The following PDE4D variants were observed in gnomAD, a reference collection of about 807,000 sequenced individuals.
The protein encoded by PDE4D is phosphodiesterase 4D, also known as 3',5'-cyclic-AMP phosphodiesterase 4D.
In PDE4D, 24 loss-of-function variants were observed where a neutral mutation model predicts 87.4. The observed-to-expected ratio is 0.27, with a 90% CI of 0.20 to 0.39. The LOEUF is 0.39. Ranked by LOEUF, PDE4D falls within the 10% of genes least tolerant of loss-of-function variation. The pLI is 1.00. For missense variants in PDE4D, 714 were observed against 1,041.0 expected (o/e 0.69, Z 4.32); for synonymous variants, 384 against 383.2 (o/e 1.00, Z -0.02).
At chr5:59,338,349 A>G (rs1358812249) in intron 1 of PDE4D, among the ~76,000 whole-genome samples, 1 of 152,218 alleles carries the variant, frequency 6.6e-6, no homozygotes, top group Non-Finnish European at 1.5e-5. Context: ...AAGTTTCATT[A>G]GCGCAAAAGT....
At chr5:60,174,403 T>C (rs1193458056) in intron 2 of PDE4D, among the ~76,000 whole-genome samples, 1 of 152,006 alleles carries the variant, frequency 6.6e-6, no homozygotes, top group Non-Finnish European at 1.5e-5. Flanking sequence ...GTCTAGTTCA[T>C]AAACTAAGGT....
chr5:60,489,875 T>C (rs1561311087), upstream of PDE4D: 1 of 152,206 alleles, frequency 6.6e-6, no homozygotes, highest in Non-Finnish European at 1.5e-5. Context: ...AAATCTCCAT[T>C]TGTTGACAGA....
chr5:59,892,101 G>A (rs1364716935), intron 1 of PDE4D, among the ~76,000 whole-genome samples: 1 of 152,110 alleles, frequency 6.6e-6, no homozygotes, highest in Non-Finnish European at 1.5e-5. Context: ...GATTCACGGC[G>A]TGGAAGGCCT....
intron 2 of PDE4D, among the ~76,000 whole-genome samples, chr5:60,084,557 T>C (rs1774334129): frequency 6.6e-6 from 1 of 151,938 alleles, no homozygotes; most frequent in Admixed American, 6.6e-5. Context: ...TTTGAAGATA[T>C]TCAGTGACCC....
In PDE4D at chr5:58,974,694, A is replaced by ACAGGCTT. The variant is rs1561206950; in HGVS notation, c.2393_2399dup (p.Cys800Ter). On this transcript the variant is annotated stop_gained and frameshift_variant, in exon 15 of 15. Transcript: ENST00000340635. LOFTEE classifies it high-confidence loss of function. ...TGTCAGGAGAACGATCATCTATGAC[A>ACAGGCTT]CAGGCTTCAGGCTGGCTTTCCTCTT... 6.2e-7 allele frequency: 1 copy of ACAGGCTT among 1,604,240 alleles called. No homozygotes were observed. The highest frequency in any genetic ancestry group is 1.1e-5 in the South Asian group (1 of 90,148).
At chr5:59,729,464 T>C (rs1318160674) in intron 1 of PDE4D, among the ~76,000 whole-genome samples, 1 of 152,116 alleles carries the variant, frequency 6.6e-6, no homozygotes, top group South Asian at 2.1e-4. Flanking sequence ...AAAGGATAAA[T>C]GCAGAGTATA....
chr5:59,027,222 T>G (rs1756403452), intron 6 of PDE4D, among the ~76,000 whole-genome samples: 1 of 152,226 alleles, frequency 6.6e-6, no homozygotes, highest in Admixed American at 6.5e-5. Flanking sequence ...TGGGGTTATA[T>G]GTTTTCAGTA....
chr5:59,016,905 AC>A (rs1276462418), intron 6 of PDE4D, among the ~76,000 whole-genome samples: 1 of 152,180 alleles, frequency 6.6e-6, no homozygotes, highest in Non-Finnish European at 1.5e-5. Flanking sequence ...AAACAAGCAG[AC>A]AAAAAAAAAT....
At chr5:59,444,427 T>C (rs1268653330) in intron 1 of PDE4D, among the ~76,000 whole-genome samples, 1 of 152,170 alleles carries the variant, frequency 6.6e-6, no homozygotes, top group Non-Finnish European at 1.5e-5. Context: ...TTTAATTTTG[T>C]TTTTCCTTTT....
intron 5 of PDE4D, among the ~76,000 whole-genome samples, chr5:59,152,571 G>A (rs117081106): frequency 2.6e-5 from 4 of 152,094 alleles, no homozygotes; most frequent in African/African-American, 4.8e-5. Flanking sequence ...TGAGTAAGAC[G>A]AAGGATACAT....
intron 2 of PDE4D, among the ~76,000 whole-genome samples, chr5:60,026,109 G>A (rs1194503976): frequency 6.6e-6 from 1 of 152,130 alleles, no homozygotes; most frequent in Non-Finnish European, 1.5e-5. Flanking sequence ...ATATCAGAAT[G>A]TGAATAATTT....
chr5:59,206,652 A>G (rs903209837), intron 2 of PDE4D, among the ~76,000 whole-genome samples: 5 of 152,188 alleles, frequency 3.3e-5, no homozygotes, highest in Non-Finnish European at 4.4e-5. Context: ...TGCATGCTCC[A>G]AACAATTTTT....
intron 1 of PDE4D, among the ~76,000 whole-genome samples, chr5:59,832,088 T>G (rs1218322652): frequency 6.6e-6 from 1 of 152,080 alleles, no homozygotes. Context: ...ATTTTACTGC[T>G]AGAAAAGACC....
At chr5:60,125,414 C>A (rs754466519) in intron 2 of PDE4D, among the ~76,000 whole-genome samples, 1 of 152,078 alleles carries the variant, frequency 6.6e-6, no homozygotes, top group African/African-American at 2.4e-5. Flanking sequence ...TAGTCCAAGC[C>A]ATCATAATCT....
intron 1 of PDE4D, among the ~76,000 whole-genome samples, chr5:60,248,642 G>T (rs1295339362): frequency 6.6e-6 from 1 of 151,966 alleles, no homozygotes; most frequent in Admixed American, 6.6e-5. Flanking sequence ...ATTCTTTCAT[G>T]ACCTCTCTTA....
chr5:59,597,913 T>C (rs548350527), intron 1 of PDE4D, among the ~76,000 whole-genome samples: 4 of 152,266 alleles, frequency 2.6e-5, no homozygotes, highest in Non-Finnish European at 4.4e-5. Context: ...GAATCTATAA[T>C]GCTGAGCACT....
chr5:59,443,090 G>T (rs1194183353), intron 1 of PDE4D, among the ~76,000 whole-genome samples: 1 of 152,138 alleles, frequency 6.6e-6, no homozygotes, highest in Non-Finnish European at 1.5e-5. Flanking sequence ...TAGAAGAAAT[G>T]ACTTAAACAC....
chr5:60,296,968 C>T (rs1408172312), intron 1 of PDE4D, among the ~76,000 whole-genome samples: 2 of 151,974 alleles, frequency 1.3e-5, no homozygotes, highest in Non-Finnish European at 2.9e-5. Flanking sequence ...GGAGGGATGG[C>T]ATTAGGAGAA....
chr5:59,542,360 G>A (rs1471802335), intron 1 of PDE4D, among the ~76,000 whole-genome samples: 2 of 152,112 alleles, frequency 1.3e-5, no homozygotes, highest in Non-Finnish European at 2.9e-5. Flanking sequence ...TACAGACATT[G>A]GGATGGAGGA....
Sources: allele counts gnomAD v4.1 joint callset (sites outside exome capture counted in the v4.1 genomes callset), GRCh38; gene constraint gnomAD v4.1.1; transcripts MANE v1.5; gene names NCBI Gene and HGNC (gene_info 2026-07-23, HGNC 2026-07-21).